Variants in NEDD4 observed in about 807,000 individuals in gnomAD.
NEDD4 encodes NEDD4 E3 ubiquitin protein ligase, also known as E3 ubiquitin-protein ligase NEDD4.
A neutral mutation model predicts 144.9 loss-of-function variants in NEDD4; 99 were observed. That is an observed-to-expected ratio of 0.68 (90% CI 0.58 to 0.81). The LOEUF (loss-of-function observed/expected upper bound fraction) is 0.81, where lower values mean the gene tolerates loss of function less well. Among genes scored for constraint, NEDD4 ranks in the 30% least tolerant of loss-of-function variants. The pLI is 0.00. For missense variants in NEDD4, 985 were observed against 1,065.9 expected, an observed-to-expected ratio of 0.92 and a Z score of 1.06; for synonymous variants, 318 against 350.6, an observed-to-expected ratio of 0.91 and a Z score of 1.04.
Position 55,916,300 on chromosome 15 carries a change from C to T in NEDD4, c.291+8346G>A, listed in dbSNP as rs367875084. The T allele has an allele frequency of 4.0e-5, 64 of 1,613,892 alleles. No homozygotes were observed. The highest frequency in any genetic ancestry group is 4.7e-5 in the Non-Finnish European group (55 of 1,179,946). On this transcript the variant is annotated intron_variant, in intron 5 of 28. Coordinates refer to ENST00000435532, the MANE Select transcript of NEDD4 (RefSeq NM_006154.4). ...ATGACACTGTTAGTATATGAACCTC[C>T]ACTTGTGATACTTGCACATGACCCA... is the stretch of plus-strand genomic sequence containing the variant.
At chr15:55,841,178 A>ATT (rs2033486198) in intron 19 of NEDD4, among the ~76,000 whole-genome samples, 1 of 152,200 alleles carries the variant, frequency 6.6e-6, no homozygotes, top group Non-Finnish European at 1.5e-5. Context: ...GTGATCCACC[A>ATT]GCCTTGGCCT....
chr15:55,917,095 G>C, intron 5 of NEDD4: 1 of 1,193,752 alleles, frequency 8.4e-7, no homozygotes, highest in Non-Finnish European at 1.0e-6. Context: ...CAAAGCACTT[G>C]ATTTCCAGCG....
intron 5 of NEDD4, among the ~76,000 whole-genome samples, chr15:55,875,254 T>C (rs2034954302): frequency 6.6e-6 from 1 of 152,154 alleles, no homozygotes; most frequent in Non-Finnish European, 1.5e-5. Context: ...AATGAAAAGA[T>C]GGGGAACCTC....
intron 1 of NEDD4, among the ~76,000 whole-genome samples, chr15:55,976,909 A>G (rs2037710924): frequency 6.6e-6 from 1 of 152,156 alleles, no homozygotes; most frequent in Non-Finnish European, 1.5e-5. Flanking sequence ...CTGGGATTAC[A>G]GGTGTGAGCC....
At chr15:55,934,859 G>GTTTT (rs2036853511) in intron 4 of NEDD4, 1 of 56,082 alleles carries the variant, frequency 1.8e-5, no homozygotes, top group South Asian at 7.2e-4. Flanking sequence ...ACAATGTTCT[G>GTTTT]CTTTTTTTTT....
intron 5 of NEDD4, among the ~76,000 whole-genome samples, chr15:55,908,374 T>G (rs2142182317): frequency 6.6e-6 from 1 of 152,338 alleles, no homozygotes; most frequent in South Asian, 2.1e-4. Context: ...TTTAACTTTT[T>G]TTTCTGCTGC....
chr15:55,850,352 C>A (rs1475327219), intron 14 of NEDD4, among the ~76,000 whole-genome samples, 190 bp downstream of exon 14: 2 of 151,964 alleles, frequency 1.3e-5, no homozygotes, highest in Admixed American at 6.6e-5. Context: ...CCATCATAAT[C>A]CAAAACAATA....
rs2033031655 is a variant in NEDD4, at chr15:55,833,076, C to A, written c.2459G>T (p.Arg820Ile). 1 of 1,612,596 alleles carries A rather than the reference C, an allele frequency of 6.2e-7. No homozygotes were observed. The highest frequency in any genetic ancestry group is 8.5e-7 in the Non-Finnish European group (1 of 1,179,490). ...AGTGACAAACTGAAGTAATCTTATT[C>A]TTTTTTCTGAATCCATCATTAAAAC... ...KAVLMMDSEK[R>I]IRLLQFVTGT... The change falls in exon 27 of 29, where the codon AGA becomes ATA. Residue 820 changes from arginine (R) to isoleucine (I), a missense_variant. Coordinates refer to ENST00000435532, the MANE Select transcript of NEDD4 (RefSeq NM_006154.4).
chr15:55,937,382 TA>T (rs571579093), intron 4 of NEDD4, among the ~76,000 whole-genome samples: 4 of 152,306 alleles, frequency 2.6e-5, no homozygotes, highest in Admixed American at 2.6e-4. Context: ...CCACACATAA[TA>T]ATGTCCTTTG....
chr15:55,944,289 C>T (rs2037066570), intron 4 of NEDD4, among the ~76,000 whole-genome samples: 1 of 152,234 alleles, frequency 6.6e-6, no homozygotes, highest in Admixed American at 6.5e-5. Context: ...TGGCCAAATA[C>T]TGTGCTTTTC....
In NEDD4 at chr15:55,940,885, G is replaced by A. The variant is rs1415395314; in HGVS notation, c.237+10491C>T. The stretch of plus-strand genomic sequence containing the variant: ...GAATGGCAATATTTTTAAATTATAA[G>A]CACCTTAAATTTTTTAAAATAAAAA... On this transcript the variant is annotated intron_variant, in intron 4 of 28. Coordinates refer to ENST00000435532, the MANE Select transcript of NEDD4 (RefSeq NM_006154.4). 2.0e-5 allele frequency among the ~76,000 whole-genome samples: 3 copies of A among 151,868 alleles called. No homozygotes were observed. The South Asian group carries it at 6.2e-4, about 32-fold the overall frequency.
intron 18 of NEDD4, among the ~76,000 whole-genome samples, chr15:55,846,551 G>A (rs1366777312): frequency 6.6e-6 from 1 of 152,134 alleles, no homozygotes; most frequent in African/African-American, 2.4e-5. Flanking sequence ...ATTTGAAGCC[G>A]TAGAGAATGA....
In NEDD4 at chr15:55,860,562, T is replaced by TAA. The variant is rs1566916072; in HGVS notation, c.803_804dup (p.Ile269LeufsTer2). The TAA allele has an allele frequency of 6.2e-7, 1 of 1,614,056 alleles. No homozygotes were observed. The highest frequency in any genetic ancestry group is 8.5e-7 in the Non-Finnish European group (1 of 1,179,944). ...TACATGGTGGCTTCATCTTCTCTTATAATTTCCCAGTTCTAAAATGAACAG... is the reference window on the plus strand; with the variant it reads ...TACATGGTGGCTTCATCTTCTCTTATAAAATTTCCCAGTTCTAAAATGAACAG... On this transcript the variant is annotated frameshift_variant, in exon 11 of 29. Coordinates refer to ENST00000435532, the MANE Select transcript of NEDD4 (RefSeq NM_006154.4). LOFTEE classifies it high-confidence loss of function.
chr15:55,919,109 T>C (rs148514642), intron 5 of NEDD4, among the ~76,000 whole-genome samples: 22 of 152,310 alleles, frequency 1.4e-4, no homozygotes, highest in Non-Finnish European at 2.9e-4. Context: ...ATCAGTTCCA[T>C]GTCCCCTAAC....
intron 2 of NEDD4, among the ~76,000 whole-genome samples, chr15:55,965,150 C>T (rs776679600): frequency 6.6e-6 from 1 of 152,132 alleles, no homozygotes; most frequent in Non-Finnish European, 1.5e-5. Flanking sequence ...CATAATAAGA[C>T]TATCATGCAA....
chr15:55,872,366 T>A (rs1366880159), intron 7 of NEDD4, 49 bp downstream of exon 7: 4 of 856,378 alleles, frequency 4.7e-6, no homozygotes, highest in African/African-American at 1.8e-5. Context: ...TAAGGTGTAA[T>A]GAAGAGATAA....
intron 5 of NEDD4, among the ~76,000 whole-genome samples, chr15:55,888,459 A>G (rs1446946320): frequency 2.0e-5 from 3 of 152,208 alleles, no homozygotes; most frequent in African/African-American, 7.2e-5. Flanking sequence ...GAAATCAAAG[A>G]GGACACAAAA....
intron 5 of NEDD4, among the ~76,000 whole-genome samples, chr15:55,892,382 T>C (rs1192983725): frequency 2.0e-5 from 3 of 151,792 alleles, no homozygotes; most frequent in Non-Finnish European, 4.4e-5. Context: ...CAAAGGATTA[T>C]AGAAAGAATA....
At chr15:55,831,796 G>C (rs184268484) in intron 27 of NEDD4, among the ~76,000 whole-genome samples, 2 of 152,196 alleles carry the variant, frequency 1.3e-5, no homozygotes, top group South Asian at 4.1e-4. Context: ...CTAGGCAGCA[G>C]TCCCGACTTG....
Sources: gnomAD v4.1 joint callset for allele counts (sites outside exome capture counted in the v4.1 genomes callset) on GRCh38, gnomAD v4.1.1 for gene constraint, MANE v1.5 for transcripts, NCBI Gene and HGNC (gene_info 2026-07-23, HGNC 2026-07-21) for gene names.